The following CCNY variants were observed in gnomAD, a reference collection of about 807,000 sequenced individuals.
CCNY encodes the protein cyclin Y.
Under a neutral mutation model 42.8 loss-of-function variants are expected in CCNY, and 19 were observed. The ratio of observed to expected loss-of-function variants is 0.44; its 90% CI spans 0.31 to 0.65. The LOEUF (loss-of-function observed/expected upper bound fraction) is 0.65. CCNY is among the 30% of genes least tolerant of loss of function. The probability of loss-of-function intolerance (pLI) is 0.07; values close to 1 mark genes in which losing one functional copy is unlikely to be tolerated. For missense variants in CCNY, 370 were observed against 437.3 expected, an observed-to-expected ratio of 0.85 and a Z score of 1.37; for synonymous variants, 165 against 162.7, an observed-to-expected ratio of 1.01 and a Z score of -0.11.
At chr10:35,447,251 T>A (rs906096497) in intron 1 of CCNY, among the ~76,000 whole-genome samples, 20 of 152,242 alleles carry the variant, frequency 1.3e-4, no homozygotes, top group African/African-American at 4.6e-4. Flanking sequence ...CACTCCAGCC[T>A]GTGTGACAGA....
intron 1 of CCNY, among the ~76,000 whole-genome samples, chr10:35,423,777 G>C (rs1168307779): frequency 6.6e-6 from 1 of 152,142 alleles, no homozygotes; most frequent in Non-Finnish European, 1.5e-5. Flanking sequence ...GAACTCTTTT[G>C]TAGACATAAT....
chr10:35,433,214 C>G (rs1041695626), intron 1 of CCNY, among the ~76,000 whole-genome samples: 3 of 152,118 alleles, frequency 2.0e-5, no homozygotes, highest in Admixed American at 1.3e-4. Context: ...TACCTGTAAA[C>G]TAAGGTGGGG....
chr10:35,367,827 T>C (rs1836842093), intron 1 of CCNY, among the ~76,000 whole-genome samples: 1 of 152,216 alleles, frequency 6.6e-6, no homozygotes, highest in Admixed American at 6.5e-5. Flanking sequence ...ATGTGAAATA[T>C]TTCGTTTAAC....
chr10:35,465,961 C>CTG lies in CCNY; in HGVS notation c.155-17425_155-17424dup, dbSNP rs68166048. Among the ~76,000 whole-genome samples the CTG allele has an allele frequency of 8.4e-3, 797 of 94,660 alleles. 6 individuals carry two copies. Among genetic ancestry groups the CTG allele is most frequent in the South Asian group, 0.026 (76 of 2,962 alleles). The allele number at this position is 94,660 out of a possible 152,430, so 62.1% of individuals were successfully genotyped here. A position where few individuals can be genotyped will look rare whatever the true frequency, so the allele number is the denominator to read the frequency against. On this transcript the variant is annotated intron_variant, in intron 1 of 9. Coordinates refer to ENST00000374704, the MANE Select transcript of CCNY (RefSeq NM_145012.6). The stretch of plus-strand genomic sequence containing the variant: ...AGAGTGTGTGTGTGTGTGTGTGTGT[C>CTG]TGTGTGTGTGTGTGTGTGTCTGTGT...
chr10:35,354,942 A>AG lies in CCNY; in HGVS notation c.154+17735_154+17736insG, dbSNP rs1279337089. On this transcript the variant is annotated intron_variant, in intron 1 of 9. Transcript: ENST00000374704. ...TTCTTTTAATCTTTATTCTTTATAA[A>AG]ATAGCTATTTTTCTTTGTCTACACA... Among the ~76,000 whole-genome samples the AG allele has an allele frequency of 7.2e-5, 11 of 152,292 alleles. No individual in the cohort carries two copies. In the East Asian group the frequency reaches 2.1e-3, roughly 29 times the overall value.
chr10:35,498,640 C>G (rs1334104572), intron 2 of CCNY, among the ~76,000 whole-genome samples: 4 of 152,152 alleles, frequency 2.6e-5, no homozygotes, highest in African/African-American at 9.7e-5. Flanking sequence ...GTCACATGGT[C>G]TAACGTGGAT....
intron 1 of CCNY, among the ~76,000 whole-genome samples, chr10:35,387,914 C>G (rs1272676654): frequency 6.6e-6 from 1 of 152,128 alleles, no homozygotes; most frequent in Non-Finnish European, 1.5e-5. Context: ...ATGGCCCTTC[C>G]CCTCTGGCCT....
chr10:35,447,963 A>G (rs1289127113), intron 1 of CCNY, among the ~76,000 whole-genome samples: 1 of 152,228 alleles, frequency 6.6e-6, no homozygotes, highest in Non-Finnish European at 1.5e-5. Flanking sequence ...TTTGCCGTTC[A>G]TGGTGTAGCT....
upstream of CCNY, among the ~76,000 whole-genome samples, chr10:35,335,585 C>T (rs528268575): frequency 1.3e-5 from 2 of 152,048 alleles, no homozygotes; most frequent in African/African-American, 2.4e-5. Flanking sequence ...AGCCAGGTGC[C>T]GTGGCTCATG....
chr10:35,286,266 C>A (rs1835353399), intron 3 of CCNY, among the ~76,000 whole-genome samples: 1 of 151,674 alleles, frequency 6.6e-6, no homozygotes, highest in African/African-American at 2.4e-5. Context: ...CTCCATACAG[C>A]TTTTTTCCTT....
At chr10:35,279,881 A>G (rs1303146295) in intron 3 of CCNY, among the ~76,000 whole-genome samples, 1 of 152,064 alleles carries the variant, frequency 6.6e-6, no homozygotes, top group Non-Finnish European at 1.5e-5. Context: ...TGAACTCCTA[A>G]CCCCCTGTTA....
rs768049888 is a variant in CCNY at position 35,530,062 on chromosome 10, T to G, written c.459+32T>G. On this transcript the variant is annotated intron_variant, in intron 6 of 9. Transcript: ENST00000374704. The surrounding 1 kb of genome is among the most constrained non-coding windows in gnomAD (Gnocchi z 4.3). ...TCCTCCGTGTGTTTCATGAGATGAT[T>G]TAATTATTTCTCTTTTGCTCCAATC... 7 of 1,613,968 alleles carry G rather than the reference T, an allele frequency of 4.3e-6. No individual in the cohort carries two copies. The highest frequency in any genetic ancestry group is 5.9e-6 in the Non-Finnish European group (7 of 1,179,940).
At chr10:35,344,588 A>G (rs1296448136) in intron 1 of CCNY, among the ~76,000 whole-genome samples, 1 of 152,090 alleles carries the variant, frequency 6.6e-6, no homozygotes, top group Non-Finnish European at 1.5e-5. Context: ...TACTTTTTAA[A>G]TTATACTTTA....
chr10:35,514,044 T>G (rs1299763415), intron 3 of CCNY, among the ~76,000 whole-genome samples: 1 of 139,708 alleles, frequency 7.2e-6, no homozygotes, highest in East Asian at 2.2e-4. Context: ...GGTGTTGTAC[T>G]TTCCTCCACC....
At chr10:35,344,171 C>T (rs929316239) in intron 1 of CCNY, among the ~76,000 whole-genome samples, 13 of 152,186 alleles carry the variant, frequency 8.5e-5, no homozygotes, top group African/African-American at 3.1e-4. Context: ...TCTAGCCTGT[C>T]TTTCCTGAAG....
At position 35,569,131 on chromosome 10, in the gene CCNY, C is replaced by T; in HGVS notation, c.987C>T (p.Asn329=). The T allele has an allele frequency of 1.2e-6, 2 of 1,612,456 alleles. No individual in the cohort carries two copies. Among genetic ancestry groups the T allele is most frequent in the Admixed American group, 1.7e-5 (1 of 60,034 alleles). ...GGAAGCGCTCAGCCAGTGCAGACAA[C>T]CTGACTCTGCCCCGGTGGTCCCCAG... ...SARKRSASAD[N]LTLPRWSPAI... Residue 329 remains asparagine, a synonymous_variant, in exon 10 of 10, where the codon AAC becomes AAT. Transcript: ENST00000374704.
chr10:35,502,273 G>C (rs1305362837), intron 3 of CCNY, among the ~76,000 whole-genome samples: 4 of 152,186 alleles, frequency 2.6e-5, no homozygotes, highest in Non-Finnish European at 5.9e-5. Flanking sequence ...CTCCGAGAGG[G>C]ATGGAATGAT....
At chr10:35,557,254 G>A (rs1490008801) in intron 8 of CCNY, among the ~76,000 whole-genome samples, 1 of 152,086 alleles carries the variant, frequency 6.6e-6, no homozygotes. Flanking sequence ...TTTTCTTAGA[G>A]GTGAAAATTT....
chr10:35,375,789 C>G (rs772540485), intron 1 of CCNY, among the ~76,000 whole-genome samples: 17 of 152,124 alleles, frequency 1.1e-4, no homozygotes, highest in Non-Finnish European at 2.5e-4. Context: ...GAAGCAGGTT[C>G]TTAGCATCAG....
Sources: allele counts gnomAD v4.1 joint callset (sites outside exome capture counted in the v4.1 genomes callset), GRCh38; gene constraint gnomAD v4.1.1; non-coding constraint Gnocchi (gnomAD v3.1); transcripts MANE v1.5; gene names NCBI Gene and HGNC (gene_info 2026-07-23, HGNC 2026-07-21).